The following PCDHA9 variants were observed in gnomAD, a reference collection of about 807,000 sequenced individuals.
The protein encoded by PCDHA9 is protocadherin alpha 9, also known as protocadherin alpha-9.
In PCDHA9, 62 loss-of-function variants were observed where a neutral mutation model predicts 62.0. The ratio of observed to expected loss-of-function variants is 1.00; its 90% CI spans 0.81 to 1.23. The LOEUF (loss-of-function observed/expected upper bound fraction) is 1.23, where lower values mean the gene tolerates loss of function less well. PCDHA9 is among the 50% of genes most tolerant of loss of function. The pLI, the probability that PCDHA9 is intolerant of heterozygous loss-of-function variation, is 0.00. For missense variants in PCDHA9, 1,205 were observed against 1,249.8 expected, an observed-to-expected ratio of 0.96 and a Z score of 0.54; for synonymous variants, 557 against 567.6, an observed-to-expected ratio of 0.98 and a Z score of 0.27.
intron 1 of PCDHA9, among the ~76,000 whole-genome samples, chr5:140,915,369 G>GTC (rs2077091836): frequency 6.6e-6 from 1 of 152,160 alleles, no homozygotes; most frequent in Admixed American, 6.5e-5. Context: ...ACCAGTAAGT[G>GTC]TCTCGGCATT....
In PCDHA9 at chr5:140,857,214, C is replaced by T. The variant is rs193920994; in HGVS notation, c.2394+6325C>T. ...AACGGACAGGTCACCTGCTCTCTGA[C>T]GCCTCACGTTCCGTTCAAGCTGGTG... is the stretch of plus-strand genomic sequence containing the variant. On this transcript the variant is annotated intron_variant, in intron 1 of 3. Transcript: ENST00000532602. 5 of 1,598,500 alleles carry T rather than the reference C, an allele frequency of 3.1e-6. 1 individual carries two copies. Among genetic ancestry groups the T allele is most frequent in the Non-Finnish European group, 3.4e-6 (4 of 1,167,936 alleles).
chr5:140,857,928 C>A (rs529968685), intron 1 of PCDHA9: 1 of 1,597,668 alleles, frequency 6.3e-7, no homozygotes, highest in East Asian at 2.2e-5. Flanking sequence ...GGGCTGTACA[C>A]GGGCGAGATC....
chr5:140,860,551 GA>G (rs781917307), intron 1 of PCDHA9: 4 of 152,042 alleles, frequency 2.6e-5, no homozygotes, highest in Non-Finnish European at 5.9e-5. Context: ...ACCCACCTTT[GA>G]AGAGGTACTG....
chr5:140,928,944 A>G (rs782627710), intron 1 of PCDHA9: 1 of 1,614,070 alleles, frequency 6.2e-7, no homozygotes, highest in South Asian at 1.1e-5. Context: ...ACTTGTATTT[A>G]GTAATTGCCT....
intron 1 of PCDHA9, chr5:140,926,672 C>T (rs2083457109): frequency 1.7e-6 from 1 of 583,596 alleles, no homozygotes; most frequent in Admixed American, 3.9e-5. Flanking sequence ...GACGGCTGCC[C>T]AGCCTCCAGC....
chr5:140,877,606 G>A, intron 1 of PCDHA9: 1 of 1,613,888 alleles, frequency 6.2e-7, no homozygotes, highest in Non-Finnish European at 8.5e-7. Flanking sequence ...CAGCCTGCTG[G>A]TGCTCACGCT....
In PCDHA9 at chr5:140,857,536, G is replaced by A. The variant is rs782533924; in HGVS notation, c.2394+6647G>A. The A allele has an allele frequency of 2.5e-6, 4 of 1,597,412 alleles. No homozygotes were observed. In the South Asian group the frequency reaches 4.4e-5, roughly 18 times the overall value. ...TGGTGTCCTACTCTCTGGTGGAGCG[G>A]CGGTTGGGCGAGCGCTCGCTGTCGA... On this transcript the variant is annotated intron_variant, in intron 1 of 3. Coordinates refer to ENST00000532602, the MANE Select transcript of PCDHA9 (RefSeq NM_031857.2).
chr5:140,939,182 C>T (rs2092333864), intron 1 of PCDHA9, among the ~76,000 whole-genome samples: 1 of 152,146 alleles, frequency 6.6e-6, no homozygotes, highest in African/African-American at 2.4e-5. Context: ...GGCCCACTCC[C>T]TGGTTCATAA....
At chr5:140,990,552 C>G (rs1379026755) in intron 3 of PCDHA9, among the ~76,000 whole-genome samples, 5 of 152,130 alleles carry the variant, frequency 3.3e-5, no homozygotes, top group African/African-American at 1.2e-4. Flanking sequence ...CTGTATTACC[C>G]AAGAACACAC....
chr5:140,971,580 T>C (rs1028418438), intron 1 of PCDHA9, among the ~76,000 whole-genome samples: 9 of 152,154 alleles, frequency 5.9e-5, no homozygotes, highest in African/African-American at 2.2e-4. Context: ...TTTCTTTTTT[T>C]CCTACCTAGT....
In PCDHA9 at chr5:140,981,654, ATTTCTTCCTTCC is replaced by A. The variant is rs563193906; in HGVS notation, c.2454-807_2454-796del. Among the ~76,000 whole-genome samples the A allele has an allele frequency of 1.4e-4, 22 of 152,142 alleles. No individual in the cohort carries two copies. In the East Asian group the frequency reaches 3.9e-3, roughly 27 times the overall value. On this transcript the variant is annotated intron_variant, in intron 2 of 3. Coordinates refer to ENST00000532602, the MANE Select transcript of PCDHA9 (RefSeq NM_031857.2). ...GACATTTTCTCTTAGGATCCCACTTATTTCTTCCTTCCTTTCTTCCTTCCTCCCTTCCATCAT... is the reference window on the plus strand; with the variant it reads ...GACATTTTCTCTTAGGATCCCACTTATTTCTTCCTTCCTCCCTTCCATCAT...
At chr5:140,899,704 T>C (rs2067500536) in intron 1 of PCDHA9, among the ~76,000 whole-genome samples, 1 of 152,242 alleles carries the variant, frequency 6.6e-6, no homozygotes, top group Non-Finnish European at 1.5e-5. Context: ...TAAAATGAGT[T>C]AGGGAGGATT....
At chr5:140,880,958 G>T (rs1208694420) in intron 1 of PCDHA9, among the ~76,000 whole-genome samples, 1 of 152,010 alleles carries the variant, frequency 6.6e-6, no homozygotes, top group African/African-American at 2.4e-5. Flanking sequence ...GGATGATGAG[G>T]GTAAGAGAAT....
chr5:140,862,682 T>C (rs536714837), intron 1 of PCDHA9: 55 of 551,686 alleles, frequency 1.0e-4, no homozygotes, highest in South Asian at 7.3e-4. Flanking sequence ...AACGTGCTGG[T>C]GTCCTACTCG....
In PCDHA9 at chr5:140,855,898, G is replaced by C; in HGVS notation, c.2394+5009G>C. On this transcript the variant is annotated intron_variant, in intron 1 of 3. Transcript: ENST00000532602. ...ATAGCTTTTTAGAACAAAGGCATCA[G>C]CCAGTTTCTCAAGGACTAGGAAGTA... is the stretch of plus-strand genomic sequence containing the variant. 1.9e-6 allele frequency: 2 copies of C among 1,070,112 alleles called. 1 individual carries two copies. The highest frequency in any genetic ancestry group is 2.7e-6 in the Non-Finnish European group (2 of 750,306). The allele number at this position is 1,070,112 out of a possible 1,614,324, so 66.3% of individuals were successfully genotyped here.
chr5:140,871,130 A>T, intron 1 of PCDHA9: 1 of 1,613,360 alleles, frequency 6.2e-7, no homozygotes, highest in Non-Finnish European at 8.5e-7. Context: ...CAGGCGCCAA[A>T]GGCCTCTTCC....
rs148608291 is a variant in PCDHA9, at chr5:140,870,364, G to A, written c.2394+19475G>A. The stretch of plus-strand genomic sequence containing the variant: ...GGACCGCGAGAACGTGTGGGCCTAT[G>A]AACTGGTGGTGACTGCGCGGGATGG... On this transcript the variant is annotated intron_variant, in intron 1 of 3. Transcript: ENST00000532602. 1,110 of 1,614,212 alleles carry A rather than the reference G, an allele frequency of 6.9e-4. 2 individuals are homozygous for A. The highest frequency in any genetic ancestry group is 9.1e-4 in the Non-Finnish European group (1,069 of 1,180,030).
rs146522449 is a variant in PCDHA9, at chr5:140,877,816, G to A, written c.2394+26927G>A. ...CCCAAGCCTTCAGCTGTCTCGAGAA[G>A]ATTGTTTAAATCCTCCCAGTGAAGT... On this transcript the variant is annotated intron_variant, in intron 1 of 3. Coordinates refer to ENST00000532602, the MANE Select transcript of PCDHA9 (RefSeq NM_031857.2). The A allele has an allele frequency of 2.8e-3, 4,449 of 1,609,310 alleles. 21 individuals carry two copies. Among genetic ancestry groups the A allele is most frequent in the African/African-American group, 0.01 (772 of 74,842 alleles).
chr5:140,850,870 C>T lies in PCDHA9; in HGVS notation c.2375C>T (p.Ser792Phe), dbSNP rs2041860936. The T allele has an allele frequency of 6.3e-7, 1 of 1,591,890 alleles. No individual in the cohort carries two copies. Among genetic ancestry groups the T allele is most frequent in the African/African-American group, 1.3e-5 (1 of 74,304 alleles). ...STERTGEPSASSDSTGKPRQP... is the reference protein window; with the variant it reads ...STERTGEPSAFSDSTGKPRQP... ...GAGCGAACGGGAGAACCCTCTGCTT[C>T]CTCAGATTCAACTGGGAAGGTGGGT... The change falls in exon 1 of 4, where the codon TCC becomes TTC. Residue 792 changes from serine (S) to phenylalanine (F), a missense_variant. Transcript: ENST00000532602.
Sources: gnomAD v4.1 joint callset for allele counts (sites outside exome capture counted in the v4.1 genomes callset) on GRCh38, gnomAD v4.1.1 for gene constraint, MANE v1.5 for transcripts, NCBI Gene and HGNC (gene_info 2026-07-23, HGNC 2026-07-21) for gene names.